PRKCH: variants seen among roughly 807,000 people sequenced by gnomAD.
PRKCH encodes the protein protein kinase C eta.
A neutral mutation model predicts 82.5 loss-of-function variants in PRKCH; 28 were observed. The ratio of observed to expected loss-of-function variants is 0.34; its 90% CI spans 0.25 to 0.47. The LOEUF is 0.47. Among genes scored for constraint, PRKCH ranks in the 20% least tolerant of loss-of-function variants. The probability of loss-of-function intolerance (pLI) is 1.00; values close to 1 mark genes in which losing one functional copy is unlikely to be tolerated. For missense variants in PRKCH, 705 were observed against 881.8 expected (o/e 0.80, Z 2.54); for synonymous variants, 322 against 327.4 (o/e 0.98, Z 0.18).
chr14:61,279,747 C>T (rs1170888877), intron 1 of PRKCH: 1 of 235,246 alleles, frequency 4.3e-6, no homozygotes, highest in Non-Finnish European at 8.2e-6. Flanking sequence ...CTTCACATTG[C>T]TAGGTCTCTC....
At chr14:61,549,232 A>G (rs2043297158) in intron 13 of PRKCH, among the ~76,000 whole-genome samples, 1 of 152,218 alleles carries the variant, frequency 6.6e-6, no homozygotes, top group Non-Finnish European at 1.5e-5. Context: ...CTTGCAAGAA[A>G]TCTTTTGGGA....
Position 61,267,064 on chromosome 14 carries a change from G to A in PRKCH, c.-19+79396G>A, listed in dbSNP as rs115363440. Among the ~76,000 whole-genome samples the A allele has an allele frequency of 4.9e-3, 750 of 152,272 alleles. 7 individuals are homozygous for A. Among genetic ancestry groups the A allele is most frequent in the African/African-American group, 0.017 (699 of 41,552 alleles). On this transcript the variant is annotated intron_variant, in intron 1 of 3. Transcript: ENST00000555185. ...TCACAGCATGTTTTCCATTCTTGGCGGAGAAAAGGACCTGGAGGCTATAGA... is the reference window on the plus strand; with the variant it reads ...TCACAGCATGTTTTCCATTCTTGGCAGAGAAAAGGACCTGGAGGCTATAGA...
At chr14:61,330,291 T>C (rs2045767242) in intron 1 of PRKCH, among the ~76,000 whole-genome samples, 3 of 152,166 alleles carry the variant, frequency 2.0e-5, no homozygotes. Flanking sequence ...GTGAACAGTC[T>C]TTGCTCAAAA....
intron 2 of PRKCH, among the ~76,000 whole-genome samples, chr14:61,423,472 A>G (rs1180757130): frequency 6.6e-6 from 1 of 152,210 alleles, no homozygotes; most frequent in Non-Finnish European, 1.5e-5. Context: ...TGATGCAGTG[A>G]CTGAGTAAGA....
intron 1 of PRKCH, among the ~76,000 whole-genome samples, chr14:61,202,727 GT>G (rs2044492040): frequency 6.6e-6 from 1 of 152,060 alleles, no homozygotes; most frequent in Admixed American, 6.5e-5. Context: ...TCTTTGAAAA[GT>G]TTTAGGTTTA....
chr14:61,433,794 A>G (rs1187322247), intron 2 of PRKCH, among the ~76,000 whole-genome samples: 1 of 152,256 alleles, frequency 6.6e-6, no homozygotes, highest in Non-Finnish European at 1.5e-5. Context: ...CGCAACACAT[A>G]GAGTATAACA....
intron 1 of PRKCH, among the ~76,000 whole-genome samples, chr14:61,243,383 CAAAAAAA>C (rs10555022): frequency 9.7e-6 from 1 of 103,404 alleles, no homozygotes; most frequent in East Asian, 2.7e-4. Context: ...GACTCTGTCT[CAAAAAAA>C]AAAAAAAAAA....
chr14:61,457,398 CG>C, intron 8 of PRKCH, 79 bp downstream of exon 8: 1 of 1,584,032 alleles, frequency 6.3e-7, no homozygotes, highest in Admixed American at 1.7e-5. Flanking sequence ...TGCACGCATG[CG>C]CACATACTCA....
At chr14:61,336,076 A>G (rs896665944) in intron 1 of PRKCH, among the ~76,000 whole-genome samples, 17 of 152,240 alleles carry the variant, frequency 1.1e-4, no homozygotes, top group African/African-American at 4.1e-4. Context: ...CCATCTACAC[A>G]GGGCATGACA....
At chr14:61,479,999 T>G (rs1885894163) in intron 9 of PRKCH, among the ~76,000 whole-genome samples, 1 of 152,348 alleles carries the variant, frequency 6.6e-6, no homozygotes, top group South Asian at 2.1e-4. Context: ...GACAAAGGGC[T>G]TAGCCACTTG....
At chr14:61,378,224 CT>C (rs552301917) in intron 1 of PRKCH, among the ~76,000 whole-genome samples, 232 of 139,312 alleles carry the variant, frequency 1.7e-3, no homozygotes, top group Middle Eastern at 3.7e-3. Context: ...TTTTCTTTTT[CT>C]TTTTTTTTTT....
intron 2 of PRKCH, among the ~76,000 whole-genome samples, chr14:61,430,297 A>G (rs184136044): frequency 9.8e-5 from 15 of 152,342 alleles, no homozygotes; most frequent in Non-Finnish European, 2.1e-4. Context: ...AATGAAAAAG[A>G]CCAACAACAC....
At chr14:61,240,481 G>A (rs1208043743) in intron 1 of PRKCH, among the ~76,000 whole-genome samples, 2 of 152,128 alleles carry the variant, frequency 1.3e-5, no homozygotes, top group Non-Finnish European at 2.9e-5. Flanking sequence ...CATGGCACCT[G>A]CCACACGTGG....
chr14:61,453,976 T>C (rs1449027219), intron 7 of PRKCH, among the ~76,000 whole-genome samples: 1 of 152,092 alleles, frequency 6.6e-6, no homozygotes, highest in African/African-American at 2.4e-5. Flanking sequence ...GCATTTTTAA[T>C]AGCAATTTGT....
intron 12 of PRKCH, among the ~76,000 whole-genome samples, chr14:61,531,166 GT>G (rs2043040300): frequency 6.6e-6 from 1 of 152,218 alleles, no homozygotes; most frequent in Non-Finnish European, 1.5e-5. Flanking sequence ...AGTCTTTTCT[GT>G]GTGTGCATTT....
At chr14:61,257,615 ACACACACACACACACCCC>A (rs1177355090) in intron 1 of PRKCH, among the ~76,000 whole-genome samples, 30 of 50,636 alleles carry the variant, frequency 5.9e-4, no homozygotes, top group South Asian at 3.0e-3. Flanking sequence ...ACACACACAC[ACACACACACACACACCCC>A]CACACACACA....
chr14:61,226,245 C>A (rs188357516), intron 1 of PRKCH, among the ~76,000 whole-genome samples: 18 of 152,274 alleles, frequency 1.2e-4, no homozygotes, highest in Non-Finnish European at 1.9e-4. Context: ...TCTTAAAGAG[C>A]ATGAAAAATA....
chr14:61,229,883 C>T (rs755340875), intron 1 of PRKCH, among the ~76,000 whole-genome samples: 2 of 152,118 alleles, frequency 1.3e-5, no homozygotes, highest in Admixed American at 6.5e-5. Context: ...GCAATGTCGA[C>T]GGCATGGGCT....
chr14:61,403,996 C>T, intron 2 of PRKCH, among the ~76,000 whole-genome samples: 1 of 152,214 alleles, frequency 6.6e-6, no homozygotes, highest in East Asian at 1.9e-4. Flanking sequence ...CCTTATCTCT[C>T]TGCTCTCTTT....
Sources: gnomAD v4.1 joint callset for allele counts (sites outside exome capture counted in the v4.1 genomes callset) on GRCh38, gnomAD v4.1.1 for gene constraint, MANE v1.5 for transcripts, NCBI Gene and HGNC (gene_info 2026-07-23, HGNC 2026-07-21) for gene names.